MTUS2: variants seen among roughly 807,000 people sequenced by gnomAD.
MTUS2 encodes microtubule associated scaffold protein 2.
Under a neutral mutation model 114.1 loss-of-function variants are expected in MTUS2, and 40 were observed. That is an observed-to-expected ratio of 0.35 (90% CI 0.27 to 0.46). The LOEUF is 0.46. Among genes scored for constraint, MTUS2 ranks in the 20% least tolerant of loss-of-function variants. The pLI is 1.00. For synonymous variants in MTUS2, 688 were observed against 672.0 expected, an observed-to-expected ratio of 1.02 and a Z score of -0.37; for missense variants, 1,679 against 1,705.4, an observed-to-expected ratio of 0.98 and a Z score of 0.27.
chr13:29,468,329 A>G (rs1880031812), intron 9 of MTUS2, among the ~76,000 whole-genome samples: 1 of 152,182 alleles, frequency 6.6e-6, no homozygotes, highest in African/African-American at 2.4e-5. Context: ...CTGTAATCCC[A>G]GCACTTTGGG....
At chr13:29,266,054 C>G (rs763676891) in intron 5 of MTUS2, among the ~76,000 whole-genome samples, 1 of 152,006 alleles carries the variant, frequency 6.6e-6, no homozygotes, top group Admixed American at 6.6e-5. Context: ...TGGAAAGATA[C>G]GAAGCCATAG....
At chr13:28,826,794 T>G (rs1047914467) in intron 1 of MTUS2, among the ~76,000 whole-genome samples, 2 of 152,228 alleles carry the variant, frequency 1.3e-5, no homozygotes, top group African/African-American at 4.8e-5. Flanking sequence ...TATATAGCCT[T>G]GGATTACAAT....
At chr13:29,084,792 T>C (rs604547) in intron 4 of MTUS2, among the ~76,000 whole-genome samples, 94,394 of 117,876 alleles carry the variant, frequency 0.8, 35,689 homozygotes, top group East Asian at 0.91. Flanking sequence ...CCCCCCCCCC[T>C]CACCGTTGGC....
At chr13:29,443,145 G>A (rs1878017257) in intron 9 of MTUS2, among the ~76,000 whole-genome samples, 1 of 152,152 alleles carries the variant, frequency 6.6e-6, no homozygotes, top group Non-Finnish European at 1.5e-5. Flanking sequence ...TTCATAAAAT[G>A]GAAAGTCAAT....
At chr13:29,268,185 C>A (rs113860385) in intron 5 of MTUS2, among the ~76,000 whole-genome samples, 2 of 152,064 alleles carry the variant, frequency 1.3e-5, no homozygotes, top group Admixed American at 1.3e-4. Flanking sequence ...GTGTGATAGG[C>A]ATCAGATTTA....
chr13:29,318,143 T>C (rs1369657656), intron 6 of MTUS2, among the ~76,000 whole-genome samples: 1 of 152,214 alleles, frequency 6.6e-6, no homozygotes, highest in Non-Finnish European at 1.5e-5. Flanking sequence ...TCTGTTGCTG[T>C]ATATATTTCT....
chr13:29,016,711 T>C (rs1168845662), intron 2 of MTUS2, among the ~76,000 whole-genome samples: 1 of 152,194 alleles, frequency 6.6e-6, no homozygotes, highest in East Asian at 1.9e-4. Context: ...AAAGATATTC[T>C]GAACACAGTC....
intron 5 of MTUS2, among the ~76,000 whole-genome samples, chr13:29,131,545 G>A (rs984708939): frequency 6.6e-6 from 1 of 152,266 alleles, no homozygotes; most frequent in Non-Finnish European, 1.5e-5. Context: ...CCATGGCAAT[G>A]GTGGGGCAGA....
At chr13:28,974,445 T>C (rs1408191701) in intron 2 of MTUS2, among the ~76,000 whole-genome samples, 1 of 152,218 alleles carries the variant, frequency 6.6e-6, no homozygotes, top group Non-Finnish European at 1.5e-5. Context: ...GTGAAATGGC[T>C]AAGTTTTTAG....
At chr13:29,122,611 A>T (rs1252886072) in intron 5 of MTUS2, among the ~76,000 whole-genome samples, 3 of 152,198 alleles carry the variant, frequency 2.0e-5, no homozygotes, top group African/African-American at 7.2e-5. Flanking sequence ...TTGAGTGGGG[A>T]TACAGCCAAA....
chr13:28,866,570 T>C (rs758496707), intron 2 of MTUS2, among the ~76,000 whole-genome samples: 2 of 152,230 alleles, frequency 1.3e-5, no homozygotes, highest in Non-Finnish European at 2.9e-5. Flanking sequence ...TCAGAAGTTA[T>C]TCTGAAATGG....
At chr13:29,299,797 C>A (rs1045183957) in intron 6 of MTUS2, among the ~76,000 whole-genome samples, 2 of 152,020 alleles carry the variant, frequency 1.3e-5, no homozygotes, top group African/African-American at 4.8e-5. Flanking sequence ...AAAATATATG[C>A]TCCCCCATTT....
intron 6 of MTUS2, among the ~76,000 whole-genome samples, chr13:29,287,844 A>C (rs1324611579): frequency 6.6e-6 from 1 of 152,230 alleles, no homozygotes; most frequent in Non-Finnish European, 1.5e-5. Context: ...GGAGATGTGC[A>C]GATGAGTGAG....
At chr13:28,890,041 T>A (rs1878824236) in intron 2 of MTUS2, among the ~76,000 whole-genome samples, 1 of 152,168 alleles carries the variant, frequency 6.6e-6, no homozygotes, top group Admixed American at 6.5e-5. Flanking sequence ...CATAGCAACT[T>A]TTTATTAGAC....
chr13:29,297,187 A>T (rs997704964), intron 6 of MTUS2, among the ~76,000 whole-genome samples: 8 of 152,162 alleles, frequency 5.3e-5, no homozygotes, highest in African/African-American at 1.9e-4. Flanking sequence ...ATATCATTTA[A>T]TGAAGAGACT....
intron 2 of MTUS2, among the ~76,000 whole-genome samples, chr13:29,006,658 A>G (rs996251928): frequency 6.6e-6 from 1 of 152,126 alleles, no homozygotes; most frequent in Non-Finnish European, 1.5e-5. Flanking sequence ...AGGCCTGACA[A>G]TAGGCAGGTT....
intron 9 of MTUS2, among the ~76,000 whole-genome samples, chr13:29,440,579 G>T (rs1248739868): frequency 6.6e-6 from 1 of 152,108 alleles, no homozygotes; most frequent in African/African-American, 2.4e-5. Flanking sequence ...CAAACCCTGG[G>T]GATGTGGCTT....
intron 8 of MTUS2, among the ~76,000 whole-genome samples, chr13:29,379,109 T>C (rs1871990250): frequency 6.6e-6 from 1 of 152,206 alleles, no homozygotes; most frequent in East Asian, 1.9e-4. Context: ...TCCTGAGGCC[T>C]CCCCAGCCCT....
chr13:29,165,130 AG>A (rs1279752231), intron 5 of MTUS2, among the ~76,000 whole-genome samples: 1 of 152,184 alleles, frequency 6.6e-6, no homozygotes, highest in African/African-American at 2.4e-5. Flanking sequence ...ATCACACATC[AG>A]TAATCCCTCA....
Sources: gnomAD v4.1 joint callset for allele counts (sites outside exome capture counted in the v4.1 genomes callset) on GRCh38, gnomAD v4.1.1 for gene constraint, MANE v1.5 for transcripts, NCBI Gene and HGNC (gene_info 2026-07-23, HGNC 2026-07-21) for gene names.